The following RIPOR3 variants were observed in gnomAD, a reference collection of about 807,000 sequenced individuals.
The protein encoded by RIPOR3 is RIPOR family member 3, also known as family with sequence similarity 65 member C.
In RIPOR3, 95 loss-of-function variants were observed where a neutral mutation model predicts 114.3. The observed-to-expected ratio is 0.83, with a 90% CI of 0.70 to 0.99. The LOEUF (loss-of-function observed/expected upper bound fraction) is 0.99. Ranked by LOEUF, RIPOR3 falls within the 50% of genes least tolerant of loss-of-function variation. RIPOR3 has a pLI of 0.00. For missense variants in RIPOR3, 1,252 were observed against 1,266.9 expected, an observed-to-expected ratio of 0.99 and a Z score of 0.18; for synonymous variants, 575 against 543.8, an observed-to-expected ratio of 1.06 and a Z score of -0.80.
At chr20:50,660,710 T>G (rs1480616693) in intron 1 of RIPOR3, among the ~76,000 whole-genome samples, 1 of 151,616 alleles carries the variant, frequency 6.6e-6, no homozygotes, top group Admixed American at 6.6e-5. Context: ...CCAAAGAATC[T>G]TCCTTTAAAT....
chr20:50,691,086 G>A, intron 1 of RIPOR3, 40 bp downstream of exon 1: 2 of 1,289,490 alleles, frequency 1.6e-6, no homozygotes, highest in Non-Finnish European at 2.0e-6. Context: ...ACACAAGGCG[G>A]CGTCACGGCA....
chr20:50,643,292 TTGTG>T (rs568504678), intron 1 of RIPOR3, among the ~76,000 whole-genome samples: 1 of 89,292 alleles, frequency 1.1e-5, no homozygotes, highest in African/African-American at 7.6e-5. Context: ...AGGCTAATTT[TTGTG>T]TGTGTTTTTT....
At chr20:50,591,546 C>A (rs1343173988) in intron 19 of RIPOR3, among the ~76,000 whole-genome samples, 1 of 152,172 alleles carries the variant, frequency 6.6e-6, no homozygotes, top group Non-Finnish European at 1.5e-5. Context: ...GGCGGATGGG[C>A]TCCAAGAAGG....
intron 1 of RIPOR3, among the ~76,000 whole-genome samples, chr20:50,684,784 CTTTGT>C (rs903830122): frequency 1.3e-5 from 2 of 152,092 alleles, no homozygotes; most frequent in African/African-American, 4.8e-5. Context: ...TTCTGTTCCT[CTTTGT>C]TTTTGAGACA....
At chr20:50,597,494 C>T (rs756321606) in intron 14 of RIPOR3, 86 bp downstream of exon 14, 25 of 1,517,908 alleles carry the variant, frequency 1.6e-5, no homozygotes, top group Non-Finnish European at 1.9e-5. Context: ...GAGAAACAGA[C>T]GGGGAGGCTG....
chr20:50,611,269 G>A, intron 4 of RIPOR3, 65 bp from the exon 5 acceptor site: 1 of 1,608,684 alleles, frequency 6.2e-7, no homozygotes, highest in East Asian at 2.2e-5. Context: ...CAAGGCCTAT[G>A]AGGCTCTATG....
At chr20:50,629,842 C>G (rs2084755747) in intron 2 of RIPOR3, among the ~76,000 whole-genome samples, 1 of 152,214 alleles carries the variant, frequency 6.6e-6, no homozygotes, top group Non-Finnish European at 1.5e-5. Context: ...GTCTTCCAGA[C>G]AGGAAGAACA....
chr20:50,606,720 T>A (rs2083731486), intron 11 of RIPOR3, among the ~76,000 whole-genome samples: 1 of 124,524 alleles, frequency 8.0e-6, no homozygotes, highest in South Asian at 3.4e-4. Flanking sequence ...GTGGAGTGCT[T>A]TCTTGCCTTT....
At chr20:50,635,511 A>C (rs2084953889) in intron 1 of RIPOR3, among the ~76,000 whole-genome samples, 1 of 152,034 alleles carries the variant, frequency 6.6e-6, no homozygotes, top group Non-Finnish European at 1.5e-5. Flanking sequence ...AAAATTACCC[A>C]GATGTGGTGG....
chr20:50,665,985 C>G (rs2086177600), intron 1 of RIPOR3, among the ~76,000 whole-genome samples: 1 of 151,570 alleles, frequency 6.6e-6, no homozygotes, highest in South Asian at 2.1e-4. Context: ...TTGCTTAAGC[C>G]AGTATAAATC....
chr20:50,618,912 T>TA (rs1568871457), intron 3 of RIPOR3, among the ~76,000 whole-genome samples: 8 of 152,054 alleles, frequency 5.3e-5, no homozygotes. Flanking sequence ...CAGTCTCTAC[T>TA]AAAAATACAA....
Position 50,592,469 on chromosome 20 carries a change from G to C in RIPOR3, c.2452C>G (p.Leu818Val). Residue 818 changes from leucine to valine, a missense_variant, in exon 19 of 22, where the codon CTC (leucine) becomes GTC (valine). Physicochemically the swap from Leu to Val is conservative, Grantham distance 32. Transcript: ENST00000327979. ...CTTAAGGTCTGGGGCAGAGGCTGGA[G>C]CTGGCCCAGCCGCTTCCCCTGCAGC... ...RKLQGKRLGQLQPLPQTLRAW... is the reference protein window; with the variant it reads ...RKLQGKRLGQVQPLPQTLRAW... 1 of 1,611,694 alleles carries C rather than the reference G, an allele frequency of 6.2e-7. No homozygotes were observed. The highest frequency in any genetic ancestry group is 1.7e-4 in the Middle Eastern group (1 of 6,048).
At chr20:50,608,830 T>G in intron 9 of RIPOR3, 82 bp downstream of exon 9, 1 of 1,612,060 alleles carries the variant, frequency 6.2e-7, no homozygotes, top group Non-Finnish European at 8.5e-7. Flanking sequence ...GAGCCCCAGC[T>G]GCAACCCTGG....
At chr20:50,612,314 G>A (rs1003890870) in intron 4 of RIPOR3, among the ~76,000 whole-genome samples, 14 of 152,110 alleles carry the variant, frequency 9.2e-5, no homozygotes, top group African/African-American at 3.4e-4. Context: ...TGCCATCATA[G>A]TGGGAAAGCA....
intron 1 of RIPOR3, among the ~76,000 whole-genome samples, chr20:50,685,819 CAA>C (rs541595639): frequency 8.8e-6 from 1 of 113,026 alleles, no homozygotes; most frequent in Admixed American, 9.7e-5. Flanking sequence ...GACTCTGTCT[CAA>C]AAAAAAAAAA....
intron 1 of RIPOR3, among the ~76,000 whole-genome samples, chr20:50,660,601 A>G (rs915129288): frequency 6.6e-6 from 1 of 152,000 alleles, no homozygotes; most frequent in African/African-American, 2.4e-5. Flanking sequence ...GCCTCCCAAC[A>G]CTGCCACAGT....
intron 2 of RIPOR3, 42 bp downstream of exon 2, chr20:50,630,696 C>G: frequency 6.6e-7 from 1 of 1,516,430 alleles, no homozygotes; most frequent in Non-Finnish European, 9.0e-7. Context: ...CATTAACAAG[C>G]CCCACCCCTG....
chr20:50,607,319 G>T (rs188296899), intron 11 of RIPOR3, among the ~76,000 whole-genome samples: 1 of 152,222 alleles, frequency 6.6e-6, no homozygotes, highest in African/African-American at 2.4e-5. Flanking sequence ...CCAGGCGAGC[G>T]CATGGGAGCA....
Position 50,602,022 on chromosome 20 carries a change from A to C in RIPOR3, c.1659+50T>G. The C allele has an allele frequency of 7.0e-7, 1 of 1,433,436 alleles. No homozygotes were observed. Among genetic ancestry groups the C allele is most frequent in the Middle Eastern group, 2.5e-4 (1 of 4,062 alleles). 88.8% of individuals were successfully genotyped at this position (1,433,436 alleles called of 1,614,324 possible). A position where few individuals can be genotyped will look rare whatever the true frequency, so the allele number is the denominator to read the frequency against. On this transcript the variant is annotated intron_variant, in intron 13 of 21. Transcript: ENST00000327979. The surrounding 1 kb of genome is among the most constrained non-coding windows in gnomAD (Gnocchi z 4.3). ...GCCCCAGAGCCCCCGACTCCCAGTC[A>C]TCATGCCATCAGCAAAGCAGGGCCA... is the stretch of plus-strand genomic sequence containing the variant.
Sources: allele counts gnomAD v4.1 joint callset (sites outside exome capture counted in the v4.1 genomes callset), GRCh38; gene constraint gnomAD v4.1.1; non-coding constraint Gnocchi (gnomAD v3.1); transcripts MANE v1.5; gene names NCBI Gene and HGNC (gene_info 2026-07-23, HGNC 2026-07-21).